ZP3: variants seen among roughly 807,000 people sequenced by gnomAD.
ZP3 encodes zona pellucida glycoprotein 3.
ZP3 carries 21 observed loss-of-function variants against 35.6 expected under a neutral mutation model. The ratio of observed to expected loss-of-function variants is 0.59; its 90% CI spans 0.42 to 0.85. The LOEUF is 0.85. Ranked by LOEUF, ZP3 falls within the 40% of genes least tolerant of loss-of-function variation. ZP3 has a pLI of 0.00. For synonymous variants in ZP3, 207 were observed against 214.5 expected, an observed-to-expected ratio of 0.96 and a Z score of 0.31; for missense variants, 437 against 536.5, an observed-to-expected ratio of 0.81 and a Z score of 1.83.
rs1805875076 is a variant in ZP3, at chr7:76,432,970, C to T, written c.475C>T (p.Pro159Ser). 3 of 1,614,006 alleles carry T rather than the reference C, an allele frequency of 1.9e-6. No individual in the cohort carries two copies. The highest frequency in any genetic ancestry group is 2.2e-5 in the South Asian group (2 of 91,088). ...SSQAILPTWL[P>S]FRTTVFSEEK... ...CCAGGCCATCCTGCCCACCTGGTTGCCCTTCAGGACCACGGTGTTCTCAGA... is the reference window on the plus strand; with the variant it reads ...CCAGGCCATCCTGCCCACCTGGTTGTCCTTCAGGACCACGGTGTTCTCAGA... Residue 159 changes from proline (P) to serine (S), a missense_variant, in exon 3 of 8, where the codon CCC becomes TCC. By Grantham distance (74) the Pro-to-Ser change is moderately conservative. Transcript: ENST00000394857.
chr7:76,423,031 GAAAGAAAGAAAGAA>G (rs1563695474), upstream of ZP3, among the ~76,000 whole-genome samples: 16 of 114,588 alleles, frequency 1.4e-4, no homozygotes, highest in Non-Finnish European at 2.7e-4. Flanking sequence ...GAGAGAGAAA[GAAAGAAAGAAAGAA>G]AGAAAGAAAG....
intron 1 of ZP3, among the ~76,000 whole-genome samples, chr7:76,415,918 T>G (rs951633322): frequency 7.3e-6 from 1 of 137,778 alleles, no homozygotes; most frequent in Non-Finnish European, 1.6e-5. Flanking sequence ...TCACTTGAGG[T>G]CAGGATTTCA....
At chr7:76,433,117 G>GTTTGGTTTTGGTTTTGGT (rs202182448) in intron 3 of ZP3, 87 bp downstream of exon 3, 2 of 1,111,222 alleles carry the variant, frequency 1.8e-6, no homozygotes, top group Admixed American at 2.3e-5. Flanking sequence ...TTTTTTGTTT[G>GTTTGGTTTTGGTTTTGGT]TTTGGTTTTG....
rs1394582843 is a variant in ZP3 at position 76,400,420 on chromosome 7, C to A, written c.-67+2623C>A. ...CAGCAGGATGGGGCCTCGGCCTTGG[C>A]CAAAGGCAAGGGGCCGTGGCACGGG... is the stretch of plus-strand genomic sequence containing the variant. On this transcript the variant is annotated intron_variant, in intron 1 of 8. Coordinates refer to the ZP3 transcript ENST00000336517. 1.2e-6 allele frequency: 2 copies of A among 1,605,508 alleles called. No individual in the cohort carries two copies. The highest frequency in any genetic ancestry group is 1.7e-6 in the Non-Finnish European group (2 of 1,174,612).
chr7:76,433,724 A>G (rs1467845713), intron 4 of ZP3, 77 bp downstream of exon 4: 5 of 1,439,638 alleles, frequency 3.5e-6, no homozygotes, highest in African/African-American at 2.8e-5. Flanking sequence ...TTTTTGAGAC[A>G]GTGTCACTCT....
intron 7 of ZP3, 149 bp from the exon 8 acceptor site, chr7:76,441,693 A>T: frequency 7.8e-7 from 1 of 1,281,864 alleles, no homozygotes; most frequent in Non-Finnish European, 1.1e-6. Context: ...TGGCCGAGAA[A>T]GCTGTGTTTT....
At chr7:76,426,233 A>G (rs71562425) in intron 1 of ZP3, among the ~76,000 whole-genome samples, 1,638 of 152,338 alleles carry the variant, frequency 0.011, 14 homozygotes, top group Non-Finnish European at 0.017. Flanking sequence ...GAAAAGACCA[A>G]GAAATCCAGG....
chr7:76,404,899 A>G (rs55646977), intron 1 of ZP3, among the ~76,000 whole-genome samples: 67,228 of 150,746 alleles, frequency 0.45, 15,259 homozygotes, highest in South Asian at 0.52. Context: ...GTGAAACCCC[A>G]TCTGTACCAA....
At chr7:76,411,376 G>A (rs1217736101) in intron 1 of ZP3, among the ~76,000 whole-genome samples, 3 of 152,134 alleles carry the variant, frequency 2.0e-5, no homozygotes, top group Non-Finnish European at 1.5e-5. Flanking sequence ...AGACCAGCCT[G>A]GGCAACATAG....
At chr7:76,430,760 G>A (rs1805803621) in intron 2 of ZP3, among the ~76,000 whole-genome samples, 1 of 152,134 alleles carries the variant, frequency 6.6e-6, no homozygotes, top group South Asian at 2.1e-4. Flanking sequence ...GTGTGAAGTG[G>A]GTAGGGAGCT....
chr7:76,433,375 G>T lies in ZP3; in HGVS notation c.536-95G>T, dbSNP rs565599440. Reference sequence around the variant, plus strand: ...TTGCCACGTTGGCTAGGCTGGTCTCGAACTCCTGACCTCAGGTGATCCACC... The same window carrying T: ...TTGCCACGTTGGCTAGGCTGGTCTCTAACTCCTGACCTCAGGTGATCCACC... On this transcript the variant is annotated intron_variant, in intron 3 of 7. Transcript: ENST00000394857. The T allele has an allele frequency of 1.1e-3, 1,495 of 1,395,224 alleles. 1 individual carries two copies. The highest frequency in any genetic ancestry group is 1.4e-3 in the Non-Finnish European group (1,391 of 1,026,696). The allele number at this position is 1,395,224 out of a possible 1,614,324, so 86.4% of individuals were successfully genotyped here.
At chr7:76,432,190 T>C (rs1288916698) in intron 2 of ZP3, among the ~76,000 whole-genome samples, 1 of 149,344 alleles carries the variant, frequency 6.7e-6, no homozygotes, top group Non-Finnish European at 1.5e-5. Flanking sequence ...TCTTTTCTTT[T>C]CTTTTCTTTT....
chr7:76,400,097 G>C (rs898087048), intron 1 of ZP3, among the ~76,000 whole-genome samples: 6 of 152,202 alleles, frequency 3.9e-5, no homozygotes, highest in African/African-American at 1.4e-4. Context: ...CAAGGTCAGG[G>C]TCAGGCAATG....
chr7:76,408,541 G>C (rs1270747886), intron 1 of ZP3, among the ~76,000 whole-genome samples: 2 of 152,260 alleles, frequency 1.3e-5, no homozygotes, highest in South Asian at 4.1e-4. Flanking sequence ...CTGGGGACAG[G>C]CAACTTCCAG....
intron 1 of ZP3, chr7:76,404,544 C>CA: frequency 6.4e-7 from 1 of 1,568,272 alleles, no homozygotes; most frequent in Non-Finnish European, 8.7e-7. Context: ...GGCCTCCCAG[C>CA]ACTTTGGGAG....
intron 1 of ZP3, chr7:76,409,591 A>C (rs1431767162): frequency 6.6e-6 from 1 of 152,356 alleles, no homozygotes; most frequent in Non-Finnish European, 1.5e-5. Flanking sequence ...GTCCCTGTCC[A>C]TGGAGCTGGC....
chr7:76,412,802 T>C (rs1805280865), intron 1 of ZP3, among the ~76,000 whole-genome samples: 1 of 149,944 alleles, frequency 6.7e-6, no homozygotes, highest in Non-Finnish European at 1.5e-5. Flanking sequence ...TGAGCTGAGA[T>C]CGCGCCATTG....
At chr7:76,433,073 G>A in intron 3 of ZP3, 43 bp downstream of exon 3, 1 of 1,495,476 alleles carries the variant, frequency 6.7e-7, no homozygotes, top group Middle Eastern at 1.7e-4. Context: ...GAAAGACCTG[G>A]GCCATCTCAG....
intron 1 of ZP3, chr7:76,400,574 C>G (rs1202705257): frequency 1.4e-6 from 2 of 1,479,906 alleles, no homozygotes; most frequent in South Asian, 2.7e-5. Context: ...CGGCTGGGGC[C>G]CCCCACCAGC....
Sources: allele counts gnomAD v4.1 joint callset (sites outside exome capture counted in the v4.1 genomes callset), GRCh38; gene constraint gnomAD v4.1.1; transcripts MANE v1.5; gene names NCBI Gene and HGNC (gene_info 2026-07-23, HGNC 2026-07-21).